The following ACSM1 variants were observed in gnomAD, a reference collection of about 807,000 sequenced individuals.
The protein encoded by ACSM1 is acyl-CoA synthetase medium chain family member 1, also known as acyl-coenzyme A synthetase ACSM1, mitochondrial.
Under a neutral mutation model 75.8 loss-of-function variants are expected in ACSM1, and 79 were observed. The ratio of observed to expected loss-of-function variants is 1.04; its 90% CI spans 0.87 to 1.26. The LOEUF is 1.26. ACSM1 is among the 50% of genes most tolerant of loss of function. The probability of loss-of-function intolerance (pLI) is 0.00; values close to 1 mark genes in which losing one functional copy is unlikely to be tolerated. For synonymous variants in ACSM1, 279 were observed against 265.8 expected (o/e 1.05, Z -0.48); for missense variants, 676 against 720.1 (o/e 0.94, Z 0.70).
chr16:20,697,003 G>T lies in ACSM1; in HGVS notation c.-52+633C>A, dbSNP rs529687787. 2.0e-5 allele frequency among the ~76,000 whole-genome samples: 3 copies of T among 152,276 alleles called. No homozygotes were observed. In the South Asian group the frequency reaches 6.2e-4, roughly 32 times the overall value. On this transcript the variant is annotated intron_variant, in intron 1 of 13. Transcript: ENST00000520010. ...GATAATTTACTTGCTGGCACTGAAT[G>T]AAGTGCACGGTAAGGACTCAATAAA...
intron 6 of ACSM1, among the ~76,000 whole-genome samples, chr16:20,666,261 C>T (rs11860368): frequency 0.033 from 5,035 of 152,176 alleles, 264 homozygotes; most frequent in African/African-American, 0.11. Context: ...GTTCCTGGAA[C>T]GGATAAACAA....
In ACSM1 at chr16:20,623,442, G is replaced by C; in HGVS notation, c.*44C>G. ...CATAGTGGGGAGACTAAAGTGGCCA[G>C]GGATTTGCCTTAGGTGTGCAGTGCG... On this transcript the variant is annotated 3_prime_UTR_variant, in exon 14 of 14. Coordinates refer to ENST00000520010, the MANE Select transcript of ACSM1 (RefSeq NM_001318890.3). The C allele has an allele frequency of 1.3e-6, 2 of 1,578,996 alleles. No individual in the cohort carries two copies. Among genetic ancestry groups the C allele is most frequent in the Admixed American group, 1.7e-5 (1 of 59,872 alleles).
chr16:20,659,251 G>A (rs1226585854), intron 7 of ACSM1, among the ~76,000 whole-genome samples: 2 of 152,104 alleles, frequency 1.3e-5, no homozygotes, highest in African/African-American at 4.8e-5. Flanking sequence ...GAGGACTCTA[G>A]GAACAAGCTT....
rs552409512 is a variant in ACSM1, at chr16:20,657,973, T to C, written c.992+3821A>G. 2.0e-5 allele frequency among the ~76,000 whole-genome samples: 3 copies of C among 152,312 alleles called. No homozygotes were observed. In the East Asian group the frequency reaches 5.8e-4, roughly 29 times the overall value. On this transcript the variant is annotated intron_variant, in intron 7 of 13. Transcript: ENST00000520010. ...TGTGGCTGCATAGTATTCCATGGTG[T>C]ATATGTGCCACATTTTCATAATCCA... is the stretch of plus-strand genomic sequence containing the variant.
At chr16:20,695,560 C>T (rs150511508) in intron 1 of ACSM1, among the ~76,000 whole-genome samples, 1 of 152,200 alleles carries the variant, frequency 6.6e-6, no homozygotes, top group African/African-American at 2.4e-5. Flanking sequence ...ATCTGTCTAT[C>T]TATCTATCTA....
At chr16:20,629,673 T>G (rs982530537) in intron 10 of ACSM1, among the ~76,000 whole-genome samples, 9 of 152,170 alleles carry the variant, frequency 5.9e-5, no homozygotes, top group African/African-American at 2.2e-4. Context: ...ATATACACTA[T>G]CTACAAGAGA....
Position 20,624,085 on chromosome 16 carries a change from C to T in ACSM1, c.1647+11G>A, listed in dbSNP as rs2016770673. On this transcript the variant is annotated intron_variant, in intron 13 of 13. Coordinates refer to ENST00000520010, the MANE Select transcript of ACSM1 (RefSeq NM_001318890.3). ...AGGGCCACCAGATCCCTTCCATCTG[C>T]CCTCACTCACCTTCCTTGGGTACTT... The T allele has an allele frequency of 6.2e-7, 1 of 1,610,824 alleles. No individual in the cohort carries two copies. Among genetic ancestry groups the T allele is most frequent in the African/African-American group, 1.3e-5 (1 of 74,976 alleles).
chr16:20,627,980 T>G (rs2017094061), intron 10 of ACSM1, among the ~76,000 whole-genome samples: 1 of 146,982 alleles, frequency 6.8e-6, no homozygotes, highest in African/African-American at 2.5e-5. Flanking sequence ...GAACCTTGCT[T>G]ACTGCTATAA....
At chr16:20,650,151 G>A (rs1448795130) in intron 7 of ACSM1, among the ~76,000 whole-genome samples, 1 of 152,118 alleles carries the variant, frequency 6.6e-6, no homozygotes, top group Non-Finnish European at 1.5e-5. Flanking sequence ...TTTTCTCCTA[G>A]GTAGTTGTTG....
At chr16:20,653,027 C>A (rs1451091468) in intron 7 of ACSM1, among the ~76,000 whole-genome samples, 1 of 152,114 alleles carries the variant, frequency 6.6e-6, no homozygotes, top group Non-Finnish European at 1.5e-5. Flanking sequence ...AAACTGAATC[C>A]AGCAACACAT....
chr16:20,648,104 C>T lies in ACSM1; in HGVS notation c.993-7520G>A, dbSNP rs368104241. 3.3e-4 allele frequency among the ~76,000 whole-genome samples: 51 copies of T among 152,266 alleles called. No individual in the cohort carries two copies. Among genetic ancestry groups the T allele is most frequent in the African/African-American group, 1.1e-3 (46 of 41,532 alleles). On this transcript the variant is annotated intron_variant, in intron 7 of 13. Transcript: ENST00000520010. The surrounding 1 kb of genome is among the most constrained non-coding windows in gnomAD (Gnocchi z 4.2). Reference sequence around the variant, plus strand: ...CTTTTTCTCAATCCTTTGACTCTGCCGGACTTCATTACCCCCACCACCTGG... The same window carrying T: ...CTTTTTCTCAATCCTTTGACTCTGCTGGACTTCATTACCCCCACCACCTGG...
chr16:20,657,014 A>T (rs1343069909), intron 7 of ACSM1, among the ~76,000 whole-genome samples: 1 of 152,148 alleles, frequency 6.6e-6, no homozygotes, highest in African/African-American at 2.4e-5. Context: ...CTATAAAATT[A>T]AAAAATATAT....
chr16:20,649,556 T>A lies in ACSM1; in HGVS notation c.993-8972A>T, dbSNP rs891438441. 9.2e-5 allele frequency among the ~76,000 whole-genome samples: 14 copies of A among 152,290 alleles called. No individual in the cohort carries two copies. In the Middle Eastern group the frequency reaches 0.01, roughly 111 times the overall value. ...CATTTTACAACCTGTTCTCTCTCTC[T>A]CTCTCTGATGTCTGGTATCTGACAG... On this transcript the variant is annotated intron_variant, in intron 7 of 13. Transcript: ENST00000520010.
intron 7 of ACSM1, among the ~76,000 whole-genome samples, chr16:20,647,953 T>G (rs796459028): frequency 1.1e-4 from 16 of 152,272 alleles, no homozygotes; most frequent in African/African-American, 3.9e-4. Flanking sequence ...CCTTTTGACC[T>G]CCTCATTCTC....
At chr16:20,656,599 G>A (rs954859424) in intron 7 of ACSM1, among the ~76,000 whole-genome samples, 2 of 152,102 alleles carry the variant, frequency 1.3e-5, no homozygotes, top group African/African-American at 4.8e-5. Context: ...TTTAAGAGTT[G>A]CTTTATAATG....
intron 1 of ACSM1, among the ~76,000 whole-genome samples, chr16:20,692,090 G>C (rs2079659681): frequency 6.6e-6 from 1 of 152,128 alleles, no homozygotes; most frequent in Non-Finnish European, 1.5e-5. Context: ...TCTGTCACTT[G>C]AGACTATAAA....
chr16:20,641,105 T>C (rs1337008239), intron 7 of ACSM1, among the ~76,000 whole-genome samples: 4 of 152,030 alleles, frequency 2.6e-5, no homozygotes, highest in Admixed American at 6.5e-5. Context: ...TTAAGCTGAG[T>C]AGGGAAAGAG....
At chr16:20,654,775 T>C (rs1210057877) in intron 7 of ACSM1, among the ~76,000 whole-genome samples, 2 of 152,082 alleles carry the variant, frequency 1.3e-5, no homozygotes, top group East Asian at 3.9e-4. Flanking sequence ...TGTGGAGAAA[T>C]AGGAACACTT....
chr16:20,626,631 G>A (rs1481194017), intron 11 of ACSM1, among the ~76,000 whole-genome samples: 1 of 151,770 alleles, frequency 6.6e-6, no homozygotes, highest in Non-Finnish European at 1.5e-5. Context: ...TGAGAGGTGG[G>A]TTATATAAAG....
Sources: allele counts gnomAD v4.1 joint callset (sites outside exome capture counted in the v4.1 genomes callset), GRCh38; gene constraint gnomAD v4.1.1; non-coding constraint Gnocchi (gnomAD v3.1); transcripts MANE v1.5; gene names NCBI Gene and HGNC (gene_info 2026-07-23, HGNC 2026-07-21).